The following SBF2 variants were observed in gnomAD, a reference collection of about 807,000 sequenced individuals.
SBF2 encodes myotubularin-related protein 13.
Under a neutral mutation model 225.2 loss-of-function variants are expected in SBF2, and 112 were observed. That is an observed-to-expected ratio of 0.50 (90% CI 0.43 to 0.58). SBF2 has a LOEUF of 0.58. Ranked by LOEUF, SBF2 falls within the 20% of genes least tolerant of loss-of-function variation. The pLI is 0.00. For missense variants in SBF2, 1,996 were observed against 2,206.2 expected, an observed-to-expected ratio of 0.90 and a Z score of 1.91; for synonymous variants, 763 against 773.3, an observed-to-expected ratio of 0.99 and a Z score of 0.22.
At chr11:9,999,617 T>C (rs901343103) in intron 8 of SBF2, among the ~76,000 whole-genome samples, 3 of 152,158 alleles carry the variant, frequency 2.0e-5, no homozygotes, top group Admixed American at 2.0e-4. Flanking sequence ...CCACCGTGCC[T>C]GGCCTCCAGT....
intron 14 of SBF2, among the ~76,000 whole-genome samples, chr11:9,967,905 A>C (rs1867031109): frequency 6.8e-6 from 1 of 146,980 alleles, no homozygotes; most frequent in Admixed American, 6.8e-5. Flanking sequence ...ACAAGGGTGA[A>C]ACTCAATCTG....
chr11:10,027,537 T>C (rs907316577), intron 6 of SBF2, among the ~76,000 whole-genome samples: 1 of 152,074 alleles, frequency 6.6e-6, no homozygotes, highest in African/African-American at 2.4e-5. Context: ...AGGCAGGGTA[T>C]GGACCTTAGG....
chr11:9,875,227 T>C (rs1019250755), intron 17 of SBF2, among the ~76,000 whole-genome samples: 3 of 152,218 alleles, frequency 2.0e-5, no homozygotes, highest in Non-Finnish European at 2.9e-5. Context: ...ACAGCAGTAA[T>C]TATCTGGTTA....
intron 17 of SBF2, among the ~76,000 whole-genome samples, chr11:9,859,562 G>C (rs1433117554): frequency 6.6e-6 from 1 of 152,160 alleles, no homozygotes; most frequent in African/African-American, 2.4e-5. Context: ...TGTTTTCTGT[G>C]AGTAGAACTA....
intron 2 of SBF2, among the ~76,000 whole-genome samples, chr11:10,135,220 GC>G (rs1273012243): frequency 1.3e-5 from 2 of 152,190 alleles, no homozygotes; most frequent in Non-Finnish European, 2.9e-5. Flanking sequence ...AGGAGGCAGG[GC>G]ACCAAGTCCC....
At chr11:10,071,265 C>CTTTT (rs945479458) in intron 2 of SBF2, among the ~76,000 whole-genome samples, 19 of 103,054 alleles carry the variant, frequency 1.8e-4, no homozygotes, top group South Asian at 3.2e-4. Context: ...CTCTCTCTCT[C>CTTTT]TTTTTTTTTT....
chr11:10,214,286 C>T (rs185805189), intron 1 of SBF2, among the ~76,000 whole-genome samples: 2 of 152,234 alleles, frequency 1.3e-5, no homozygotes, highest in Non-Finnish European at 2.9e-5. Context: ...AGCAAAATCA[C>T]CCCAGGTTGA....
At chr11:10,140,463 A>G (rs1954589420) in intron 2 of SBF2, among the ~76,000 whole-genome samples, 1 of 152,200 alleles carries the variant, frequency 6.6e-6, no homozygotes, top group Non-Finnish European at 1.5e-5. Flanking sequence ...GGGTTGGTGA[A>G]CACATGGAGG....
rs542568235 is a variant in SBF2, at chr11:9,905,196, T to A, written c.1861-9185A>T. The stretch of plus-strand genomic sequence containing the variant: ...CAATAAATGTTATTATCACTGAGGC[T>A]AGGAAATGCTTAGCATATCACACTC... On this transcript the variant is annotated intron_variant, in intron 16 of 39. Transcript: ENST00000256190. Among the ~76,000 whole-genome samples, 196 of 152,348 alleles carry A rather than the reference T, an allele frequency of 1.3e-3. 1 individual carries two copies. Among genetic ancestry groups the A allele is most frequent in the African/African-American group, 4.5e-3 (187 of 41,586 alleles).
chr11:10,060,252 C>G (rs774943632), intron 2 of SBF2, among the ~76,000 whole-genome samples: 5 of 152,156 alleles, frequency 3.3e-5, no homozygotes, highest in Non-Finnish European at 5.9e-5. Flanking sequence ...ATGAACACCC[C>G]TCCGCACACA....
At chr11:10,270,382 C>G (rs1962374563) in intron 1 of SBF2, among the ~76,000 whole-genome samples, 1 of 151,934 alleles carries the variant, frequency 6.6e-6, no homozygotes, top group Admixed American at 6.6e-5. Flanking sequence ...ATAAAGCAGA[C>G]TAGAGAAAAG....
At chr11:10,268,129 C>T (rs190188641) in intron 1 of SBF2, among the ~76,000 whole-genome samples, 31 of 152,288 alleles carry the variant, frequency 2.0e-4, no homozygotes, top group African/African-American at 7.2e-4. Flanking sequence ...AATTTTCATA[C>T]TATTATTGTC....
chr11:10,011,438 T>G (rs59479500), intron 6 of SBF2, among the ~76,000 whole-genome samples: 15,617 of 152,156 alleles, frequency 0.1, 1,091 homozygotes, highest in East Asian at 0.28. Flanking sequence ...ATGTTGGTTG[T>G]GAACTCCTGG....
intron 1 of SBF2, chr11:10,302,535 G>A (rs1048971398): frequency 1.3e-5 from 2 of 152,270 alleles, no homozygotes; most frequent in Non-Finnish European, 2.9e-5. Context: ...AGACTCTCAG[G>A]TGGGAATTCT....
chr11:9,918,791 T>C (rs1431421538), intron 16 of SBF2, among the ~76,000 whole-genome samples: 2 of 151,944 alleles, frequency 1.3e-5, no homozygotes, highest in Admixed American at 6.6e-5. Flanking sequence ...CAGGCTGGAG[T>C]GCAGTGGCGT....
intron 17 of SBF2, among the ~76,000 whole-genome samples, chr11:9,861,914 T>C (rs1308728546): frequency 1.3e-5 from 2 of 152,136 alleles, no homozygotes; most frequent in African/African-American, 4.8e-5. Flanking sequence ...TGGGACTATA[T>C]ATGTTCCAAG....
At chr11:9,852,314 A>C (rs1269291133) in intron 21 of SBF2, among the ~76,000 whole-genome samples, 2 of 151,958 alleles carry the variant, frequency 1.3e-5, no homozygotes, top group African/African-American at 2.4e-5. Context: ...TGGGTTTTTT[A>C]TGATAATTGC....
intron 12 of SBF2, among the ~76,000 whole-genome samples, chr11:9,991,772 A>C (rs1947452305): frequency 1.3e-5 from 2 of 152,206 alleles, no homozygotes; most frequent in Middle Eastern, 3.4e-3. Flanking sequence ...TAGAGACAAA[A>C]ATTTGTCTTC....
intron 1 of SBF2, among the ~76,000 whole-genome samples, chr11:10,223,417 A>AGTATTAC (rs1450175442): frequency 2.1e-4 from 19 of 88,448 alleles, no homozygotes; most frequent in East Asian, 6.9e-4. Context: ...ATATATATAT[A>AGTATTAC]TATATATATA....
Sources: allele counts gnomAD v4.1 joint callset (sites outside exome capture counted in the v4.1 genomes callset), GRCh38; gene constraint gnomAD v4.1.1; transcripts MANE v1.5; gene names NCBI Gene and HGNC (gene_info 2026-07-23, HGNC 2026-07-21).